The following MYO18B variants were observed in gnomAD, a reference collection of about 807,000 sequenced individuals.
The protein encoded by MYO18B is unconventional myosin-XVIIIb.
MYO18B carries 204 observed loss-of-function variants against 273.0 expected under a neutral mutation model. That is an observed-to-expected ratio of 0.75 (90% CI 0.67 to 0.84). The LOEUF (loss-of-function observed/expected upper bound fraction) is 0.84, where lower values mean the gene tolerates loss of function less well. MYO18B is among the 40% of genes least tolerant of loss of function. The probability of loss-of-function intolerance (pLI) is 0.00; values close to 1 mark genes in which losing one functional copy is unlikely to be tolerated. For missense variants in MYO18B, 3,212 were observed against 3,287.6 expected (o/e 0.98, Z 0.56); for synonymous variants, 1,330 against 1,305.7 (o/e 1.02, Z -0.40).
At chr22:25,911,233 C>G (rs905944582) in intron 33 of MYO18B, among the ~76,000 whole-genome samples, 183 bp downstream of exon 33, 2 of 152,174 alleles carry the variant, frequency 1.3e-5, no homozygotes, top group Non-Finnish European at 2.9e-5. Flanking sequence ...TTGTAAGAAC[C>G]CATGGGGAAT....
At chr22:25,866,392 A>G (rs1363629240) in intron 21 of MYO18B, among the ~76,000 whole-genome samples, 1 of 152,188 alleles carries the variant, frequency 6.6e-6, no homozygotes, top group East Asian at 1.9e-4. Context: ...GGAAGATTCC[A>G]TTAAATGGCG....
chr22:25,843,237 CT>C (rs1356868945), intron 17 of MYO18B, among the ~76,000 whole-genome samples: 1 of 152,094 alleles, frequency 6.6e-6, no homozygotes, highest in Non-Finnish European at 1.5e-5. Flanking sequence ...AAAGTATTCC[CT>C]GTATTTATTT....
At chr22:25,920,500 G>T (rs1375412747) in intron 33 of MYO18B, among the ~76,000 whole-genome samples, 1 of 152,116 alleles carries the variant, frequency 6.6e-6, no homozygotes, top group Admixed American at 6.5e-5. Flanking sequence ...TCCAGGATGC[G>T]GCTTCTTTGG....
At chr22:26,060,979 T>TACACACATACCACATATGC in the MYO18B span, among the ~76,000 whole-genome samples, 1 of 150,972 alleles carries the variant, frequency 6.6e-6, no homozygotes, top group South Asian at 2.1e-4. Flanking sequence ...AACACACATA[T>TACACACATACCACATATGC]ACACACATAC....
chr22:26,061,651 AAGAAAGGTCATCTACCACCG>A, the MYO18B span, among the ~76,000 whole-genome samples: 5 of 145,004 alleles, frequency 3.4e-5, no homozygotes, highest in South Asian at 2.3e-4. Flanking sequence ...ATCTACCACC[AAGAAAGGTCATCTACCACCG>A]AGAAAGGTCA....
intron 1 of MYO18B, among the ~76,000 whole-genome samples, chr22:25,759,241 A>G (rs996516391): frequency 2.0e-5 from 3 of 152,240 alleles, no homozygotes; most frequent in Non-Finnish European, 4.4e-5. Context: ...ATGTATGTTT[A>G]TTGTGGCACT....
At chr22:25,760,552 A>G (rs879694392) in intron 1 of MYO18B, among the ~76,000 whole-genome samples, 3 of 152,114 alleles carry the variant, frequency 2.0e-5, no homozygotes, top group Non-Finnish European at 4.4e-5. Flanking sequence ...CCTAAGCACC[A>G]GAAGGTTCCC....
rs35856330 is a variant in MYO18B, at chr22:25,919,678, ATGTGTGTGTGTGTG to A, written c.5365-1561_5365-1548del. Reference sequence around the variant, plus strand: ...TCAGCAGGTGAGATTGTGTGTGTGTATGTGTGTGTGTGTGTGTGTGTGTGTGTGTGTATAATAGA... The same window carrying A: ...TCAGCAGGTGAGATTGTGTGTGTGTATGTGTGTGTGTGTGTGTATAATAGA... On this transcript the variant is annotated intron_variant, in intron 33 of 43. Coordinates refer to ENST00000335473, the MANE Select transcript of MYO18B (RefSeq NM_032608.7). 2.0e-5 allele frequency among the ~76,000 whole-genome samples: 3 copies of A among 147,986 alleles called. No homozygotes were observed. In the Admixed American group the frequency reaches 2.0e-4, roughly 10 times the overall value.
chr22:25,806,440 A>G (rs540144137), intron 12 of MYO18B, among the ~76,000 whole-genome samples: 12 of 152,266 alleles, frequency 7.9e-5, no homozygotes, highest in Admixed American at 5.9e-4. Context: ...TGTGGTGGCA[A>G]TGAGACTGCA....
chr22:25,921,067 C>T (rs544975091), intron 33 of MYO18B, among the ~76,000 whole-genome samples, 190 bp from the exon 34 acceptor site: 1 of 152,188 alleles, frequency 6.6e-6, no homozygotes, highest in Non-Finnish European at 1.5e-5. Flanking sequence ...CACAGCAGCC[C>T]AATGTGGTTG....
Position 25,891,379 on chromosome 22 carries a change from T to A in MYO18B, c.4510T>A (p.Leu1504Met). 6.3e-7 allele frequency: 1 copy of A among 1,584,836 alleles called. No homozygotes were observed. The highest frequency in any genetic ancestry group is 8.6e-7 in the Non-Finnish European group (1 of 1,165,338). ...QLEEAQQKIQ[L>M]NDLERNPTGG... is the part of the protein sequence containing the mutation. ...GGAAGAAGCCCAGCAGAAAATTCAG[T>A]TGAATGACTTGGAAAGGAATCCCAC... Residue 1504 changes from leucine to methionine, a missense_variant, in exon 27 of 44, where the codon TTG becomes ATG. Transcript: ENST00000335473.
intron 25 of MYO18B, among the ~76,000 whole-genome samples, chr22:25,890,200 G>T (rs1283403391): frequency 6.6e-6 from 1 of 152,168 alleles, no homozygotes; most frequent in Non-Finnish European, 1.5e-5. Context: ...AACAGTTTGG[G>T]AGCACACACA....
At chr22:26,039,003 A>G in the MYO18B span, among the ~76,000 whole-genome samples, 1 of 152,206 alleles carries the variant, frequency 6.6e-6, no homozygotes, top group Non-Finnish European at 1.5e-5. Flanking sequence ...TGTCATTATT[A>G]TTGTGGCTGT....
chr22:25,763,794 G>T (rs928088283), intron 3 of MYO18B, among the ~76,000 whole-genome samples: 4 of 152,184 alleles, frequency 2.6e-5, no homozygotes, highest in African/African-American at 9.7e-5. Context: ...TTTGTTTAGT[G>T]AATGAATAAA....
chr22:25,895,433 A>G, intron 28 of MYO18B, 153 bp downstream of exon 28: 1 of 841,022 alleles, frequency 1.2e-6, no homozygotes. Context: ...ATTATTACAA[A>G]TGCTGGTCAC....
intron 28 of MYO18B, among the ~76,000 whole-genome samples, chr22:25,895,907 G>A (rs772448935): frequency 5.3e-5 from 8 of 150,478 alleles, no homozygotes; most frequent in Non-Finnish European, 1.2e-4. Flanking sequence ...AGTCACAGGT[G>A]TTCTGCATTG....
chr22:26,008,132 T>A (rs1934585832), intron 42 of MYO18B, among the ~76,000 whole-genome samples: 1 of 152,244 alleles, frequency 6.6e-6, no homozygotes, highest in Admixed American at 6.5e-5. Context: ...CCAGTATGCA[T>A]AAGTTCATCT....
intron 33 of MYO18B, among the ~76,000 whole-genome samples, chr22:25,913,978 A>G (rs1476497896): frequency 2.0e-5 from 3 of 152,196 alleles, no homozygotes; most frequent in East Asian, 3.9e-4. Flanking sequence ...TGCTTTTGAC[A>G]TTTTTAGGTC....
chr22:25,823,781 GC>G, intron 13 of MYO18B, 103 bp downstream of exon 13: 1 of 1,286,778 alleles, frequency 7.8e-7, no homozygotes, highest in East Asian at 2.3e-5. Flanking sequence ...TTTGTTAAGG[GC>G]CTATGCTATG....
Sources: gnomAD v4.1 joint callset for allele counts (sites outside exome capture counted in the v4.1 genomes callset) on GRCh38, gnomAD v4.1.1 for gene constraint, MANE v1.5 for transcripts, NCBI Gene and HGNC (gene_info 2026-07-23, HGNC 2026-07-21) for gene names.